Variants in EXOC4 observed in about 807,000 individuals in gnomAD.
EXOC4 encodes SEC8-like 1.
In EXOC4, 71 loss-of-function variants were observed where a neutral mutation model predicts 107.2. That is an observed-to-expected ratio of 0.66 (90% confidence interval 0.55 to 0.81). The LOEUF is 0.81. EXOC4 is among the 30% of genes least tolerant of loss of function. EXOC4 has a pLI of 0.00. For missense variants in EXOC4, 1,108 were observed against 1,189.6 expected (o/e 0.93, Z 1.01); for synonymous variants, 456 against 441.2 (o/e 1.03, Z -0.42).
At chr7:134,079,929 C>T in the EXOC4 span, among the ~76,000 whole-genome samples, 1 of 152,206 alleles carries the variant, frequency 6.6e-6, no homozygotes, top group Non-Finnish European at 1.5e-5. Flanking sequence ...CTAGTCCAAA[C>T]AGGCTCCCTC....
rs566989408 is a variant in EXOC4, at chr7:134,014,226, AC to A, written c.2687+6394del. Among the ~76,000 whole-genome samples the A allele has an allele frequency of 3.9e-3, 589 of 152,156 alleles. 7 individuals are homozygous for A. Among genetic ancestry groups the A allele is most frequent in the Non-Finnish European group, 5.5e-3 (371 of 67,992 alleles). ...AGACCATCCTGGCTAACACGATAAA[AC>A]CCTGTCTCTACTAAAAATACAAAAA... On this transcript the variant is annotated intron_variant, in intron 17 of 17. Transcript: ENST00000253861.
intron 7 of EXOC4, among the ~76,000 whole-genome samples, chr7:133,377,361 T>A (rs978865407): frequency 1.3e-5 from 2 of 151,600 alleles, no homozygotes; most frequent in African/African-American, 4.9e-5. Flanking sequence ...CTCAAATAAA[T>A]AAATAAATAA....
the EXOC4 span, among the ~76,000 whole-genome samples, chr7:134,090,913 GGA>G: frequency 6.6e-6 from 1 of 151,786 alleles, no homozygotes; most frequent in East Asian, 1.9e-4. Flanking sequence ...CTCTGTCTTA[GGA>G]GAGACTCTAA....
chr7:133,575,235 T>C (rs1261487586), intron 9 of EXOC4, among the ~76,000 whole-genome samples: 5 of 152,212 alleles, frequency 3.3e-5, no homozygotes, highest in Non-Finnish European at 7.4e-5. Flanking sequence ...TACTGTACAC[T>C]TAATGCTTGT....
At chr7:133,363,902 C>G (rs1796188734) in intron 6 of EXOC4, among the ~76,000 whole-genome samples, 1 of 152,084 alleles carries the variant, frequency 6.6e-6, no homozygotes, top group Non-Finnish European at 1.5e-5. Context: ...AACTAACAAA[C>G]CTATGTCAAA....
chr7:133,815,293 A>G (rs1797340636), intron 10 of EXOC4, among the ~76,000 whole-genome samples: 1 of 151,458 alleles, frequency 6.6e-6, no homozygotes, highest in African/African-American at 2.4e-5. Flanking sequence ...AGGCAGGAGA[A>G]TCACTTGAAC....
intron 10 of EXOC4, among the ~76,000 whole-genome samples, chr7:133,658,137 T>G (rs556744368): frequency 6.6e-6 from 1 of 152,208 alleles, no homozygotes; most frequent in African/African-American, 2.4e-5. Flanking sequence ...GGAGAAGACC[T>G]TTTCTGTCAG....
At chr7:133,280,177 A>C (rs1461476481) in intron 2 of EXOC4, among the ~76,000 whole-genome samples, 1 of 152,228 alleles carries the variant, frequency 6.6e-6, no homozygotes. Flanking sequence ...TCATAGGCTC[A>C]GCCTTGATAC....
chr7:133,491,868 G>A (rs1799378335), intron 9 of EXOC4, among the ~76,000 whole-genome samples: 1 of 152,156 alleles, frequency 6.6e-6, no homozygotes, highest in African/African-American at 2.4e-5. Context: ...GGGAACTCGC[G>A]GCAAGTAGGG....
chr7:133,882,598 T>G (rs932888566), intron 11 of EXOC4, among the ~76,000 whole-genome samples: 1 of 152,176 alleles, frequency 6.6e-6, no homozygotes, highest in Non-Finnish European at 1.5e-5. Flanking sequence ...GAAGACCTAA[T>G]CTGGTACGAG....
chr7:133,380,452 T>C (rs1263597836), intron 7 of EXOC4, among the ~76,000 whole-genome samples: 3 of 151,892 alleles, frequency 2.0e-5, no homozygotes, highest in Middle Eastern at 6.9e-3. Context: ...CACAATCATA[T>C]CATTTTAGAA....
intron 3 of EXOC4, 98 bp downstream of exon 3, chr7:133,289,214 A>G: frequency 2.0e-6 from 2 of 1,024,808 alleles, no homozygotes; most frequent in Admixed American, 2.5e-5. Flanking sequence ...GCACATTACA[A>G]ACTGCCCTCT....
intron 7 of EXOC4, among the ~76,000 whole-genome samples, chr7:133,378,031 C>T (rs1345784344): frequency 6.6e-6 from 1 of 151,832 alleles, no homozygotes; most frequent in Non-Finnish European, 1.5e-5. Flanking sequence ...AGTTTTTCAG[C>T]CATGCGCGAT....
intron 3 of EXOC4, among the ~76,000 whole-genome samples, chr7:133,302,463 A>G (rs1418311874): frequency 6.6e-6 from 1 of 152,236 alleles, no homozygotes; most frequent in Non-Finnish European, 1.5e-5. Context: ...ATATATGAAG[A>G]ATTCTAAATA....
chr7:133,590,752 T>C (rs1419372644), intron 9 of EXOC4, among the ~76,000 whole-genome samples: 7 of 152,206 alleles, frequency 4.6e-5, no homozygotes, highest in African/African-American at 2.4e-5. Context: ...AGAGCCACTT[T>C]CGTCAGTAAT....
At chr7:133,414,367 T>C (rs765019119) in intron 7 of EXOC4, among the ~76,000 whole-genome samples, 6 of 152,182 alleles carry the variant, frequency 3.9e-5, no homozygotes, top group Non-Finnish European at 8.8e-5. Context: ...ATATTACTGA[T>C]GAGAATAAAT....
At chr7:133,472,818 G>A (rs1798910607) in intron 7 of EXOC4, among the ~76,000 whole-genome samples, 1 of 152,156 alleles carries the variant, frequency 6.6e-6, no homozygotes, top group African/African-American at 2.4e-5. Context: ...TAACAATGCT[G>A]AGAGGTAACA....
chr7:133,441,627 A>C (rs1436628256), intron 7 of EXOC4, among the ~76,000 whole-genome samples: 1 of 152,110 alleles, frequency 6.6e-6, no homozygotes, highest in Non-Finnish European at 1.5e-5. Context: ...TCCTGGCATC[A>C]AGCAATTCAC....
chr7:133,715,607 A>G (rs954408441), intron 10 of EXOC4, among the ~76,000 whole-genome samples: 1 of 152,128 alleles, frequency 6.6e-6, no homozygotes, highest in African/African-American at 2.4e-5. Flanking sequence ...TTGTGTGAAT[A>G]TAGGAAATTT....
Sources: allele counts gnomAD v4.1 joint callset (sites outside exome capture counted in the v4.1 genomes callset), GRCh38; gene constraint gnomAD v4.1.1; transcripts MANE v1.5; gene names NCBI Gene and HGNC (gene_info 2026-07-23, HGNC 2026-07-21).